DTNB: variants seen among roughly 807,000 people sequenced by gnomAD.
DTNB encodes dystrobrevin beta, also known as DTN-B.
A neutral mutation model predicts 90.7 loss-of-function variants in DTNB; 63 were observed. The observed-to-expected ratio is 0.69, with a 90% CI of 0.57 to 0.86. The LOEUF (loss-of-function observed/expected upper bound fraction) is 0.86, where lower values mean the gene tolerates loss of function less well. DTNB is among the 40% of genes least tolerant of loss of function. DTNB has a pLI of 0.00. For synonymous variants in DTNB, 277 were observed against 286.7 expected (o/e 0.97, Z 0.34); for missense variants, 744 against 807.1 (o/e 0.92, Z 0.95).
intron 3 of DTNB, among the ~76,000 whole-genome samples, chr2:25,635,320 A>G (rs1196186714): frequency 6.6e-6 from 1 of 152,118 alleles, no homozygotes; most frequent in Non-Finnish European, 1.5e-5. Flanking sequence ...AGTTCCAGCT[A>G]CTGGGGAAGC....
chr2:25,393,720 A>G (rs779317621), intron 16 of DTNB, among the ~76,000 whole-genome samples: 1 of 152,198 alleles, frequency 6.6e-6, no homozygotes, highest in Admixed American at 6.5e-5. Flanking sequence ...GGAAAACTAT[A>G]AAACACTGCT....
chr2:25,506,881 T>C (rs1353510706), intron 9 of DTNB, among the ~76,000 whole-genome samples: 1 of 152,138 alleles, frequency 6.6e-6, no homozygotes, highest in Non-Finnish European at 1.5e-5. Flanking sequence ...CAAAGAATCA[T>C]TATCATACAG....
At chr2:25,604,582 A>C (rs2066667418) in intron 5 of DTNB, among the ~76,000 whole-genome samples, 1 of 151,596 alleles carries the variant, frequency 6.6e-6, no homozygotes, top group South Asian at 2.1e-4. Flanking sequence ...AACTTTTTAA[A>C]TTACTTTTAT....
chr2:25,504,638 A>G (rs758821677), intron 9 of DTNB, among the ~76,000 whole-genome samples: 25 of 151,918 alleles, frequency 1.6e-4, no homozygotes, highest in East Asian at 3.9e-4. Flanking sequence ...AGGAAGGAAG[A>G]AAGGAAGGAA....
At chr2:25,562,238 C>T (rs564237398) in intron 8 of DTNB, among the ~76,000 whole-genome samples, 1 of 152,262 alleles carries the variant, frequency 6.6e-6, no homozygotes, top group East Asian at 1.9e-4. Flanking sequence ...TCAATGTTCA[C>T]CTATGTTTTA....
chr2:25,543,932 C>T (rs1276778639), intron 8 of DTNB, among the ~76,000 whole-genome samples: 1 of 152,134 alleles, frequency 6.6e-6, no homozygotes, highest in Admixed American at 6.5e-5. Flanking sequence ...CATATAGGCA[C>T]AGAAATTAAC....
chr2:25,587,373 G>C (rs1415298137), intron 6 of DTNB, among the ~76,000 whole-genome samples: 9 of 152,132 alleles, frequency 5.9e-5, no homozygotes, highest in South Asian at 4.1e-4. Flanking sequence ...AGAAGACCAG[G>C]GTCCTTCGTT....
At chr2:25,648,376 C>T (rs2080003211) in intron 2 of DTNB, among the ~76,000 whole-genome samples, 2 of 152,100 alleles carry the variant, frequency 1.3e-5, no homozygotes, top group Non-Finnish European at 2.9e-5. Context: ...AATTTCATCG[C>T]TGTGTTCATA....
intron 19 of DTNB, among the ~76,000 whole-genome samples, chr2:25,380,318 C>T (rs2037277469): frequency 6.6e-6 from 1 of 152,192 alleles, no homozygotes; most frequent in African/African-American, 2.4e-5. Context: ...TCTGTAAAAT[C>T]TCAGGCCTAG....
chr2:25,586,206 A>G (rs1162507850), intron 6 of DTNB, among the ~76,000 whole-genome samples: 1 of 152,168 alleles, frequency 6.6e-6, no homozygotes, highest in African/African-American at 2.4e-5. Context: ...TACTTAACTT[A>G]AAATGCTTCA....
chr2:25,412,082 A>T (rs2046760929), intron 16 of DTNB, among the ~76,000 whole-genome samples: 1 of 152,304 alleles, frequency 6.6e-6, no homozygotes, highest in South Asian at 2.1e-4. Flanking sequence ...TTCTTGTTGC[A>T]TAGGTTTGTT....
chr2:25,417,746 C>T (rs191643115), intron 16 of DTNB, among the ~76,000 whole-genome samples: 8 of 152,156 alleles, frequency 5.3e-5, no homozygotes, highest in Admixed American at 5.2e-4. Flanking sequence ...GAAGTGACAC[C>T]CTGGATCATC....
intron 5 of DTNB, among the ~76,000 whole-genome samples, chr2:25,603,199 A>C (rs1341544051): frequency 6.6e-6 from 1 of 152,244 alleles, no homozygotes; most frequent in Admixed American, 6.5e-5. Context: ...GAAAACAAAT[A>C]GCAGAATTAA....
At chr2:25,439,008 G>A (rs574891098) in intron 12 of DTNB, among the ~76,000 whole-genome samples, 1 of 152,106 alleles carries the variant, frequency 6.6e-6, no homozygotes, top group Non-Finnish European at 1.5e-5. Flanking sequence ...CAAAAACAAG[G>A]AAAGTCAGAG....
intron 18 of DTNB, among the ~76,000 whole-genome samples, chr2:25,385,165 A>T (rs964757251): frequency 4.6e-5 from 7 of 152,198 alleles, no homozygotes; most frequent in Non-Finnish European, 1.0e-4. Context: ...GGTGTGAGCC[A>T]CTGTGCCTGT....
At chr2:25,411,332 C>G (rs1347896557) in intron 16 of DTNB, among the ~76,000 whole-genome samples, 2 of 150,418 alleles carry the variant, frequency 1.3e-5, no homozygotes, top group African/African-American at 4.9e-5. Context: ...GTACTCCAGA[C>G]TAGGCAAGAA....
At chr2:25,636,019 T>C (rs2077050468) in intron 3 of DTNB, among the ~76,000 whole-genome samples, 1 of 152,182 alleles carries the variant, frequency 6.6e-6, no homozygotes, top group Non-Finnish European at 1.5e-5. Context: ...TTCATGAATA[T>C]GTTCATATTC....
chr2:25,460,641 C>G (rs2150201738), intron 10 of DTNB, among the ~76,000 whole-genome samples: 1 of 152,228 alleles, frequency 6.6e-6, no homozygotes, highest in East Asian at 1.9e-4. Context: ...ATGTCAAACG[C>G]TACTGACAGA....
intron 9 of DTNB, among the ~76,000 whole-genome samples, chr2:25,493,814 C>G (rs2068131873): frequency 6.6e-6 from 1 of 152,198 alleles, no homozygotes; most frequent in Admixed American, 6.5e-5. Flanking sequence ...AGTTTATAAT[C>G]AGTCCTCATA....
Sources: gnomAD v4.1 joint callset for allele counts (sites outside exome capture counted in the v4.1 genomes callset) on GRCh38, gnomAD v4.1.1 for gene constraint, MANE v1.5 for transcripts, NCBI Gene and HGNC (gene_info 2026-07-23, HGNC 2026-07-21) for gene names.